The following CNTNAP2 variants were observed in gnomAD, a reference collection of about 807,000 sequenced individuals.
CNTNAP2 encodes contactin associated protein 2.
In CNTNAP2, 98 loss-of-function variants were observed where a neutral mutation model predicts 155.2. The ratio of observed to expected loss-of-function variants is 0.63; its 90% CI spans 0.54 to 0.75. The LOEUF is 0.75. Among genes scored for constraint, CNTNAP2 ranks in the 30% least tolerant of loss-of-function variants. The pLI, the probability that CNTNAP2 is intolerant of heterozygous loss-of-function variation, is 0.00. For synonymous variants in CNTNAP2, 651 were observed against 631.2 expected (o/e 1.03, Z -0.47); for missense variants, 1,727 against 1,688.1 (o/e 1.02, Z -0.40).
intron 13 of CNTNAP2, among the ~76,000 whole-genome samples, chr7:147,747,943 C>A (rs1306305592): frequency 1.3e-5 from 2 of 152,242 alleles, no homozygotes; most frequent in African/African-American, 2.4e-5. Context: ...CACTGTGTGA[C>A]CCTGGCCTTG....
At chr7:147,227,522 T>C (rs985703176) in intron 8 of CNTNAP2, among the ~76,000 whole-genome samples, 1 of 152,160 alleles carries the variant, frequency 6.6e-6, no homozygotes, top group African/African-American at 2.4e-5. Flanking sequence ...GTCGTTTTAT[T>C]GGTAGGGCTA....
chr7:147,948,419 C>T (rs1377329580), intron 14 of CNTNAP2, among the ~76,000 whole-genome samples: 4 of 150,864 alleles, frequency 2.7e-5, no homozygotes, highest in Non-Finnish European at 4.4e-5. Flanking sequence ...ATCTCATGTA[C>T]CCCCATAAGT....
intron 3 of CNTNAP2, among the ~76,000 whole-genome samples, chr7:146,887,844 G>A (rs1400637097): frequency 6.6e-6 from 1 of 151,954 alleles, no homozygotes; most frequent in East Asian, 1.9e-4. Context: ...GACCACCCTA[G>A]CATTTCTTGT....
At chr7:146,772,502 CAAAAAAAA>C (rs71165037) in intron 1 of CNTNAP2, among the ~76,000 whole-genome samples, 2 of 96,238 alleles carry the variant, frequency 2.1e-5, no homozygotes, top group Non-Finnish European at 4.8e-5. Flanking sequence ...ACTGAAAATA[CAAAAAAAA>C]AAAAAAAAAA....
chr7:146,635,632 A>G (rs1238261732), intron 1 of CNTNAP2, among the ~76,000 whole-genome samples: 1 of 152,196 alleles, frequency 6.6e-6, no homozygotes, highest in African/African-American at 2.4e-5. Flanking sequence ...TGCATGGGGT[A>G]GACTGTAAGA....
At chr7:146,572,264 CTTTTTTTTT>C (rs71165015) in intron 1 of CNTNAP2, among the ~76,000 whole-genome samples, 5 of 126,194 alleles carry the variant, frequency 4.0e-5, no homozygotes, top group East Asian at 2.4e-4. Flanking sequence ...TTTCTGTTGT[CTTTTTTTTT>C]TTTTTTTTTT....
At chr7:147,949,654 A>G (rs1251837463) in intron 14 of CNTNAP2, among the ~76,000 whole-genome samples, 2 of 152,104 alleles carry the variant, frequency 1.3e-5, no homozygotes, top group African/African-American at 4.8e-5. Context: ...CAGTGACCTC[A>G]GCAGCATTCT....
intron 17 of CNTNAP2, among the ~76,000 whole-genome samples, chr7:148,151,461 G>A (rs898003983): frequency 4.6e-5 from 7 of 151,784 alleles, no homozygotes; most frequent in South Asian, 2.1e-4. Context: ...ATGTGCCACC[G>A]TGACTGGCTA....
chr7:147,848,176 G>A (rs1390372463), intron 13 of CNTNAP2, among the ~76,000 whole-genome samples: 2 of 140,122 alleles, frequency 1.4e-5, no homozygotes, highest in African/African-American at 5.1e-5. Context: ...CTGGGCAATG[G>A]CGGGCGCCCC....
intron 13 of CNTNAP2, among the ~76,000 whole-genome samples, chr7:147,899,356 T>C (rs909516881): frequency 5.3e-5 from 8 of 151,668 alleles, no homozygotes; most frequent in African/African-American, 1.9e-4. Flanking sequence ...ATAAATAAAA[T>C]ATAAAGTAGT....
At chr7:148,325,873 G>A (rs185860485) in intron 21 of CNTNAP2, among the ~76,000 whole-genome samples, 78 of 152,246 alleles carry the variant, frequency 5.1e-4, no homozygotes, top group Non-Finnish European at 9.3e-4. Context: ...GGAGCACAGC[G>A]TGGAAGGGGA....
At chr7:146,596,255 A>C (rs1798856720) in intron 1 of CNTNAP2, among the ~76,000 whole-genome samples, 1 of 152,080 alleles carries the variant, frequency 6.6e-6, no homozygotes, top group African/African-American at 2.4e-5. Context: ...ATAATTCTGC[A>C]AGACATATCA....
intron 1 of CNTNAP2, among the ~76,000 whole-genome samples, chr7:146,483,318 T>A (rs1379846566): frequency 4.5e-5 from 4 of 89,006 alleles, no homozygotes; most frequent in Admixed American, 9.9e-5. Flanking sequence ...TATATATATA[T>A]ATATATATAT....
intron 8 of CNTNAP2, among the ~76,000 whole-genome samples, chr7:147,260,022 C>T (rs532297792): frequency 2.0e-5 from 3 of 152,262 alleles, no homozygotes; most frequent in African/African-American, 7.2e-5. Context: ...TTGTTGGAGA[C>T]GACTGGCAAG....
chr7:146,775,970 G>T (rs753227075), intron 2 of CNTNAP2, among the ~76,000 whole-genome samples: 14 of 152,064 alleles, frequency 9.2e-5, no homozygotes, highest in Non-Finnish European at 2.1e-4. Flanking sequence ...GGACATGAGA[G>T]AGTTGTTGAG....
chr7:146,369,399 T>C (rs1238345654), intron 1 of CNTNAP2, among the ~76,000 whole-genome samples: 2 of 152,156 alleles, frequency 1.3e-5, no homozygotes, highest in Non-Finnish European at 2.9e-5. Flanking sequence ...ATTTTGCAAG[T>C]ACATCTATGG....
At chr7:147,013,209 AT>A (rs1447389164) in intron 3 of CNTNAP2, among the ~76,000 whole-genome samples, 1 of 152,106 alleles carries the variant, frequency 6.6e-6, no homozygotes, top group Non-Finnish European at 1.5e-5. Flanking sequence ...GATCAAGGTA[AT>A]TTTGACAGAA....
At chr7:147,602,144 A>G (rs1197851677) in intron 12 of CNTNAP2, among the ~76,000 whole-genome samples, 5 of 151,990 alleles carry the variant, frequency 3.3e-5, no homozygotes, top group Non-Finnish European at 7.4e-5. Context: ...CAGTTGCAAA[A>G]TCATGATGTT....
rs145744731 is a variant in CNTNAP2, at chr7:146,302,803, T to A, written c.97+185830T>A. On this transcript the variant is annotated intron_variant, in intron 1 of 23. Coordinates refer to ENST00000361727, the MANE Select transcript of CNTNAP2 (RefSeq NM_014141.6). ...TTATTACTATGTTATTACTTTGCTC[T>A]TACAGACATGTGCTATACTTCTGTT... Among the ~76,000 whole-genome samples, 813 of 152,268 alleles carry A rather than the reference T, an allele frequency of 5.3e-3. 11 individuals are homozygous for A. The highest frequency in any genetic ancestry group is 0.019 in the African/African-American group (777 of 41,566).
Sources: allele counts gnomAD v4.1 joint callset (sites outside exome capture counted in the v4.1 genomes callset), GRCh38; gene constraint gnomAD v4.1.1; transcripts MANE v1.5; gene names NCBI Gene and HGNC (gene_info 2026-07-23, HGNC 2026-07-21).